The following RIT2 variants were observed in gnomAD, a reference collection of about 807,000 sequenced individuals.
The protein encoded by RIT2 is GTP-binding protein Rit2.
Under a neutral mutation model 23.7 loss-of-function variants are expected in RIT2, and 24 were observed. That is an observed-to-expected ratio of 1.01 (90% CI 0.73 to 1.43). The LOEUF (loss-of-function observed/expected upper bound fraction) is 1.43, where lower values mean the gene tolerates loss of function less well. RIT2 is among the 40% of genes most tolerant of loss of function. The probability of loss-of-function intolerance (pLI) is 0.00; values close to 1 mark genes in which losing one functional copy is unlikely to be tolerated. For missense variants in RIT2, 236 were observed against 266.9 expected (o/e 0.88, Z 0.81); for synonymous variants, 107 against 91.1 (o/e 1.17, Z -0.99).
intron 1 of RIT2, among the ~76,000 whole-genome samples, chr18:43,105,942 T>C (rs1913812063): frequency 6.6e-6 from 1 of 152,196 alleles, no homozygotes; most frequent in African/African-American, 2.4e-5. Flanking sequence ...CAAAATAATA[T>C]ATGGTAACGA....
At chr18:42,809,100 T>C (rs1042400760) in intron 4 of RIT2, among the ~76,000 whole-genome samples, 1 of 152,154 alleles carries the variant, frequency 6.6e-6, no homozygotes, top group Non-Finnish European at 1.5e-5. Context: ...TAGATACTTA[T>C]TGCATTATGT....
At chr18:42,989,065 C>A (rs1910780604) in intron 2 of RIT2, among the ~76,000 whole-genome samples, 1 of 152,152 alleles carries the variant, frequency 6.6e-6, no homozygotes, top group African/African-American at 2.4e-5. Context: ...ATAAATCTGA[C>A]AGAGAGGGAC....
chr18:43,094,159 A>C (rs1363610606), intron 1 of RIT2, among the ~76,000 whole-genome samples: 3 of 137,530 alleles, frequency 2.2e-5, no homozygotes, highest in Non-Finnish European at 4.6e-5. Flanking sequence ...CTCAGGCTCC[A>C]ATATGATTCG....
intron 4 of RIT2, among the ~76,000 whole-genome samples, chr18:42,815,910 A>G (rs1905983443): frequency 6.6e-6 from 1 of 152,172 alleles, no homozygotes; most frequent in African/African-American, 2.4e-5. Flanking sequence ...GCAGGGGACA[A>G]ACATAACAAC....
rs772714359 is a variant in RIT2 at position 42,866,496 on chromosome 18, C to T, written c.426+57076G>A. Among the ~76,000 whole-genome samples the T allele has an allele frequency of 3.3e-4, 50 of 152,210 alleles. 1 individual carries two copies. The highest frequency in any genetic ancestry group is 1.0e-4 in the Non-Finnish European group (7 of 67,998). On this transcript the variant is annotated intron_variant, in intron 4 of 4. Transcript: ENST00000326695. The stretch of plus-strand genomic sequence containing the variant: ...TCTGATAACTCTCTGATCTATCTCT[C>T]CCCAAATCAGGCATCTATTCCCCCA...
At chr18:42,860,944 T>A (rs1015621454) in intron 4 of RIT2, among the ~76,000 whole-genome samples, 1 of 152,210 alleles carries the variant, frequency 6.6e-6, no homozygotes, top group Non-Finnish European at 1.5e-5. Flanking sequence ...TTATAAAGGA[T>A]GCATGCATGT....
chr18:43,010,139 A>C (rs1286183624), intron 2 of RIT2, among the ~76,000 whole-genome samples: 1 of 151,798 alleles, frequency 6.6e-6, no homozygotes, highest in African/African-American at 2.4e-5. Flanking sequence ...ACCTTCAACT[A>C]TTCAATATTT....
chr18:42,773,750 C>T (rs980720436), intron 4 of RIT2, among the ~76,000 whole-genome samples: 1 of 151,886 alleles, frequency 6.6e-6, no homozygotes, highest in Non-Finnish European at 1.5e-5. Context: ...TTGAATACAT[C>T]CAATCAAGGA....
At chr18:42,749,758 A>T (rs761920202) in intron 4 of RIT2, among the ~76,000 whole-genome samples, 6 of 151,890 alleles carry the variant, frequency 4.0e-5, no homozygotes, top group Non-Finnish European at 8.9e-5. Context: ...AAGCTTACAC[A>T]CAAAAATAGA....
intron 1 of RIT2, among the ~76,000 whole-genome samples, chr18:43,111,959 A>G (rs890860316): frequency 4.9e-4 from 74 of 151,764 alleles, no homozygotes; most frequent in African/African-American, 1.6e-3. Context: ...ACATTCTTGG[A>G]CAATATTACA....
chr18:42,867,669 C>T (rs1403318058), intron 4 of RIT2, among the ~76,000 whole-genome samples: 1 of 151,764 alleles, frequency 6.6e-6, no homozygotes, highest in Non-Finnish European at 1.5e-5. Context: ...TGGCACAAGC[C>T]TGTAGTCCCA....
chr18:42,765,461 T>C (rs1302313054), intron 4 of RIT2, among the ~76,000 whole-genome samples: 1 of 152,148 alleles, frequency 6.6e-6, no homozygotes, highest in East Asian at 1.9e-4. Context: ...CCTGGAAAGT[T>C]ACAAGTGAGA....
At chr18:42,869,624 G>A (rs999152220) in intron 4 of RIT2, among the ~76,000 whole-genome samples, 33 of 152,074 alleles carry the variant, frequency 2.2e-4, no homozygotes, top group Admixed American at 1.6e-3. Flanking sequence ...AAAGTTGTTT[G>A]AACCCCAGTT....
intron 1 of RIT2, among the ~76,000 whole-genome samples, chr18:43,100,157 G>T (rs1046687429): frequency 6.6e-6 from 1 of 152,076 alleles, no homozygotes; most frequent in Non-Finnish European, 1.5e-5. Flanking sequence ...GTGGTAGAAA[G>T]GTGAGGTTTT....
At chr18:42,830,354 T>A (rs530337545) in intron 4 of RIT2, among the ~76,000 whole-genome samples, 1 of 152,324 alleles carries the variant, frequency 6.6e-6, no homozygotes, top group East Asian at 1.9e-4. Flanking sequence ...ACATTTGGAA[T>A]GGCAGTTTGA....
intron 4 of RIT2, among the ~76,000 whole-genome samples, chr18:42,857,099 C>T (rs1907206636): frequency 6.7e-6 from 1 of 150,096 alleles, no homozygotes; most frequent in South Asian, 2.1e-4. Flanking sequence ...GGATTACTGG[C>T]GTGAGCCAGC....
chr18:43,066,901 G>C (rs1444516387), intron 1 of RIT2, among the ~76,000 whole-genome samples: 1 of 150,842 alleles, frequency 6.6e-6, no homozygotes, highest in Non-Finnish European at 1.5e-5. Flanking sequence ...GAATAAGACT[G>C]AAAATGTAGA....
At chr18:42,806,567 C>T (rs1276257751) in intron 4 of RIT2, among the ~76,000 whole-genome samples, 2 of 152,136 alleles carry the variant, frequency 1.3e-5, no homozygotes, top group Non-Finnish European at 2.9e-5. Flanking sequence ...CAACTTGTGG[C>T]ACTGCGTTGA....
At chr18:42,854,278 A>C (rs960693777) in intron 4 of RIT2, among the ~76,000 whole-genome samples, 2 of 152,182 alleles carry the variant, frequency 1.3e-5, no homozygotes, top group Non-Finnish European at 2.9e-5. Context: ...AAGATGATAT[A>C]ACCTTAGTTT....
Sources: gnomAD v4.1 joint callset for allele counts (sites outside exome capture counted in the v4.1 genomes callset) on GRCh38, gnomAD v4.1.1 for gene constraint, MANE v1.5 for transcripts, NCBI Gene and HGNC (gene_info 2026-07-23, HGNC 2026-07-21) for gene names.